The following GPR155 variants were observed in gnomAD, a reference collection of about 807,000 sequenced individuals.
GPR155 encodes G protein-coupled receptor 155.
In GPR155, 65 loss-of-function variants were observed where a neutral mutation model predicts 93.1. The ratio of observed to expected loss-of-function variants is 0.70; its 90% confidence interval spans 0.57 to 0.86. The LOEUF is 0.86. GPR155 is among the 40% of genes least tolerant of loss of function. The pLI is 0.00. For missense variants in GPR155, 838 were observed against 1,034.8 expected (o/e 0.81, Z 2.61); for synonymous variants, 319 against 360.1 (o/e 0.89, Z 1.29).
chr2:174,463,026 G>A (rs1184599085), intron 7 of GPR155, among the ~76,000 whole-genome samples: 1 of 151,876 alleles, frequency 6.6e-6, no homozygotes, highest in Non-Finnish European at 1.5e-5. Flanking sequence ...TCTTGAATCA[G>A]TTTCTCAAAC....
intron 2 of GPR155, among the ~76,000 whole-genome samples, chr2:174,478,425 G>A (rs1436564801): frequency 6.6e-6 from 1 of 152,058 alleles, no homozygotes; most frequent in East Asian, 1.9e-4. Context: ...TCACTATGTT[G>A]TCCAGGATGG....
chr2:174,441,723 TTGTGTG>T (rs3043735), intron 14 of GPR155, among the ~76,000 whole-genome samples: 1,521 of 148,140 alleles, frequency 0.01, 22 homozygotes, highest in East Asian at 0.05. Flanking sequence ...ATCAGTATCT[TTGTGTG>T]TGTGTGTGTG....
chr2:174,463,244 CT>C (rs1204363303), intron 7 of GPR155, among the ~76,000 whole-genome samples: 1 of 151,534 alleles, frequency 6.6e-6, no homozygotes, highest in Non-Finnish European at 1.5e-5. Flanking sequence ...GGGGGTCTCA[CT>C]TTGTTAACCA....
chr2:174,444,415 CAAAA>C (rs58572270), intron 13 of GPR155, among the ~76,000 whole-genome samples: 1 of 85,640 alleles, frequency 1.2e-5, no homozygotes, highest in Non-Finnish European at 2.2e-5. Context: ...AACTCCGTCT[CAAAA>C]AAAAAAAAAA....
chr2:174,461,285 A>C, intron 9 of GPR155, 117 bp downstream of exon 9: 2 of 672,362 alleles, frequency 3.0e-6, no homozygotes, highest in Non-Finnish European at 5.3e-6. Context: ...CACCAATCTG[A>C]TATGCAATAA....
At chr2:174,461,756 A>C (rs1284704761) in intron 7 of GPR155, 84 bp from the exon 8 acceptor site, 2 of 832,560 alleles carry the variant, frequency 2.4e-6, no homozygotes, top group Non-Finnish European at 4.0e-6. Flanking sequence ...TATTTTTTTA[A>C]ACCAAGCTTA....
rs1267706148 is a variant in GPR155, at chr2:174,432,808, G to A, written c.*3308C>T. On this transcript the variant is annotated 3_prime_UTR_variant, in exon 16 of 16. Coordinates refer to ENST00000392552, the MANE Select transcript of GPR155 (RefSeq NM_152529.7). ...CGATGGAGTCTCACTCTGTCGCCCA[G>A]GCTGGAGTGCAGTGGCGCGATCTTG... The A allele has an allele frequency of 7.3e-6, 1 of 137,400 alleles. No homozygotes were observed. Among genetic ancestry groups the A allele is most frequent in the African/African-American group, 2.8e-5 (1 of 36,348 alleles). 8.5% of individuals were successfully genotyped at this position (137,400 alleles called of 1,614,324 possible).
At chr2:174,463,662 G>A (rs979663241) in intron 7 of GPR155, among the ~76,000 whole-genome samples, 2 of 152,226 alleles carry the variant, frequency 1.3e-5, no homozygotes, top group African/African-American at 4.8e-5. Context: ...AAAAGCCATA[G>A]CAGTGAGTTC....
At chr2:174,482,556 T>C (rs1409065932) in intron 1 of GPR155, among the ~76,000 whole-genome samples, 1 of 152,062 alleles carries the variant, frequency 6.6e-6, no homozygotes, top group Non-Finnish European at 1.5e-5. Context: ...AACCAATAAC[T>C]TTTTTTTCTA....
chr2:174,471,394 C>CAAAA (rs1156941389), intron 3 of GPR155, among the ~76,000 whole-genome samples: 1 of 43,462 alleles, frequency 2.3e-5, no homozygotes, highest in Non-Finnish European at 4.6e-5. Flanking sequence ...GACTCTGTCT[C>CAAAA]AAAAAAAAAA....
chr2:174,455,080 G>T (rs1687473116), intron 10 of GPR155, among the ~76,000 whole-genome samples: 1 of 152,104 alleles, frequency 6.6e-6, no homozygotes, highest in Non-Finnish European at 1.5e-5. Flanking sequence ...CTACAACAAA[G>T]AAATTATACA....
rs1686726913 is a variant in GPR155 at position 174,434,771 on chromosome 2, A to ATTCTTTTT, written c.*1337_*1344dup. On this transcript the variant is annotated 3_prime_UTR_variant, in exon 16 of 16. Coordinates refer to ENST00000392552, the MANE Select transcript of GPR155 (RefSeq NM_152529.7). The stretch of plus-strand genomic sequence containing the variant: ...CAGGCATGCACTACCACACCTGGGT[A>ATTCTTTTT]TTCTTTTTTCTTTTTCTTTTTCTTT... The ATTCTTTTT allele has an allele frequency of 1.4e-5, 2 of 145,510 alleles. No homozygotes were observed. Among genetic ancestry groups the ATTCTTTTT allele is most frequent in the Non-Finnish European group, 3.0e-5 (2 of 66,818 alleles). The allele number at this position is 145,510 out of a possible 1,614,324, so 9.0% of individuals were successfully genotyped here.
Position 174,432,920 on chromosome 2 carries a change from C to G in GPR155, c.*3196G>C, listed in dbSNP as rs944321980. The G allele has an allele frequency of 2.0e-5, 3 of 151,822 alleles. No individual in the cohort carries two copies. The highest frequency in any genetic ancestry group is 4.4e-5 in the Non-Finnish European group (3 of 67,998). 9.4% of individuals were successfully genotyped at this position (151,822 alleles called of 1,614,324 possible). On this transcript the variant is annotated 3_prime_UTR_variant, in exon 16 of 16. Transcript: ENST00000392552. ...CTGGGACTATAGGTGCCCACCACCACGTCTGGCTAATTTTTTGTATTTTTA... is the reference window on the plus strand; with the variant it reads ...CTGGGACTATAGGTGCCCACCACCAGGTCTGGCTAATTTTTTGTATTTTTA...
intron 12 of GPR155, chr2:174,445,413 G>A (rs923939654): frequency 1.1e-5 from 4 of 367,134 alleles, no homozygotes; most frequent in South Asian, 4.9e-5. Flanking sequence ...AAGAAGACAT[G>A]AGCCATAATA....
At chr2:174,465,663 G>A in intron 7 of GPR155, 122 bp downstream of exon 7, 2 of 565,462 alleles carry the variant, frequency 3.5e-6, no homozygotes, top group East Asian at 2.7e-5. Context: ...GGGCTGATCT[G>A]CCTCAGTGCA....
At position 174,448,530 on chromosome 2, in the gene GPR155, GTTT is replaced by G. The variant is rs565221876; in HGVS notation, c.1877-1786_1877-1784del. Among the ~76,000 whole-genome samples, 231 of 100,920 alleles carry G rather than the reference GTTT, an allele frequency of 2.3e-3. 2 individuals are homozygous for G. In the Middle Eastern group the frequency reaches 0.035, roughly 15 times the overall value. 66.2% of individuals were successfully genotyped at this position (100,920 alleles called of 152,430 possible). ...GGAAGTTTTTTGTTTTTTGTTTTTT[GTTT>G]TTTTTTTTTTTTTTTGAGACGGAGT... On this transcript the variant is annotated intron_variant, in intron 11 of 15. Transcript: ENST00000392552.
At chr2:174,486,709 T>G (rs942741679) in intron 1 of GPR155, among the ~76,000 whole-genome samples, 164 bp downstream of exon 1, 19 of 151,868 alleles carry the variant, frequency 1.3e-4, no homozygotes, top group African/African-American at 4.6e-4. Context: ...AGGCAGGCGC[T>G]GCGGGGCAGA....
intron 7 of GPR155, 81 bp from the exon 8 acceptor site, chr2:174,461,753 T>C: frequency 1.2e-6 from 1 of 857,650 alleles, no homozygotes; most frequent in Non-Finnish European, 1.9e-6. Flanking sequence ...TTTTATTTTT[T>C]TAAACCAAGC....
At chr2:174,485,697 TAATC>T (rs1409885709) in intron 1 of GPR155, among the ~76,000 whole-genome samples, 1 of 151,504 alleles carries the variant, frequency 6.6e-6, no homozygotes, top group Non-Finnish European at 1.5e-5. Flanking sequence ...AAAGTCAAAA[TAATC>T]AAAATGACTT....
Sources: gnomAD v4.1 joint callset for allele counts (sites outside exome capture counted in the v4.1 genomes callset) on GRCh38, gnomAD v4.1.1 for gene constraint, MANE v1.5 for transcripts, NCBI Gene and HGNC (gene_info 2026-07-23, HGNC 2026-07-21) for gene names.